Variants in ABCC12 observed in about 807,000 individuals in gnomAD.
ABCC12 encodes ATP binding cassette subfamily C member 12, also known as ATP-binding cassette sub-family C member 12.
Under a neutral mutation model 151.1 loss-of-function variants are expected in ABCC12, and 142 were observed. That is an observed-to-expected ratio of 0.94 (90% CI 0.82 to 1.08). The LOEUF (loss-of-function observed/expected upper bound fraction) is 1.08. Among genes scored for constraint, ABCC12 ranks in the 50% least tolerant of loss-of-function variants. ABCC12 has a pLI of 0.00. For missense variants in ABCC12, 1,638 were observed against 1,691.1 expected, an observed-to-expected ratio of 0.97 and a Z score of 0.55; for synonymous variants, 645 against 646.4, an observed-to-expected ratio of 1.00 and a Z score of 0.03.
chr16:48,088,599 T>C lies in ABCC12; in HGVS notation c.3421A>G (p.Asn1141Asp). 1.2e-6 allele frequency: 2 copies of C among 1,614,234 alleles called. No individual in the cohort carries two copies. The highest frequency in any genetic ancestry group is 1.7e-6 in the Non-Finnish European group (2 of 1,180,034). The change falls in exon 26 of 31, where the codon AAC (asparagine) becomes GAC (aspartate). Residue 1141 changes from asparagine to aspartate, a missense_variant. Physicochemically the swap from Asn to Asp is conservative, Grantham distance 23. Coordinates refer to ENST00000311303, the MANE Select transcript of ABCC12 (RefSeq NM_001393797.1). ...DNTPLVLDSLNLNIQSGQTVG... is the reference protein window; with the variant it reads ...DNTPLVLDSLDLNIQSGQTVG... Reference sequence around the variant, plus strand: ...GTCTGCCCACTTTGTATGTTCAAGTTCAGGCTGTCGAGAACAAGGGGGGTG... The same window carrying C: ...GTCTGCCCACTTTGTATGTTCAAGTCCAGGCTGTCGAGAACAAGGGGGGTG...
intron 20 of ABCC12, among the ~76,000 whole-genome samples, chr16:48,105,589 G>A (rs1185008845): frequency 6.6e-6 from 1 of 152,206 alleles, no homozygotes; most frequent in East Asian, 1.9e-4. Flanking sequence ...ACAAAGCAGA[G>A]AAACCAGATG....
chr16:48,124,075 T>C, intron 12 of ABCC12, 138 bp downstream of exon 12: 1 of 948,660 alleles, frequency 1.1e-6, no homozygotes, highest in Non-Finnish European at 1.7e-6. Context: ...TGCATTAACC[T>C]CCCAAAAATT....
chr16:48,113,824 A>T (rs149179856), intron 15 of ABCC12, among the ~76,000 whole-genome samples: 1 of 152,304 alleles, frequency 6.6e-6, no homozygotes, highest in East Asian at 1.9e-4. Context: ...CCGAACCAGG[A>T]CCAAGGTTAT....
At position 48,121,745 on chromosome 16, in the gene ABCC12, T is replaced by C. The variant is rs1964076053; in HGVS notation, c.1683A>G (p.Ile561Met). 1 of 1,613,944 alleles carries C rather than the reference T, an allele frequency of 6.2e-7. No individual in the cohort carries two copies. The highest frequency in any genetic ancestry group is 8.5e-7 in the Non-Finnish European group (1 of 1,180,024). ...WIFHGNVRENILFGEKYDHQR... is the reference protein window; with the variant it reads ...WIFHGNVRENMLFGEKYDHQR... ...GGTGATCATACTTTTCTCCAAAGAG[T>C]ATGTTTTCTCTCACATTTCCATGAA... Residue 561 changes from isoleucine (I) to methionine (M), a missense_variant, in exon 13 of 31, where the codon ATA (isoleucine) becomes ATG (methionine). Transcript: ENST00000311303.
rs1320374980 is a variant in ABCC12 at position 48,111,856 on chromosome 16, T to C, written c.2044A>G (p.Lys682Glu). The C allele has an allele frequency of 6.2e-7, 1 of 1,614,190 alleles. No individual in the cohort carries two copies. The highest frequency in any genetic ancestry group is 1.7e-5 in the Admixed American group (1 of 60,026). The change falls in exon 16 of 31, where the codon AAG becomes GAG. Residue 682 changes from lysine (K) to glutamate (E), a missense_variant. Coordinates refer to ENST00000311303, the MANE Select transcript of ABCC12 (RefSeq NM_001393797.1). ...ILLEDGEICE[K>E]GTHKELMEER... The stretch of plus-strand genomic sequence containing the variant: ...TCCATTAACTCCTTGTGGGTTCCCT[T>C]TTCACAAATCTCTCCATCTTCTAAT...
rs1209573871 is a variant in ABCC12 at position 48,153,764 on chromosome 16, T to C, written c.-199A>G. 2.0e-5 allele frequency: 3 copies of C among 152,192 alleles called. No homozygotes were observed. The highest frequency in any genetic ancestry group is 4.4e-5 in the Non-Finnish European group (3 of 68,040). The allele number at this position is 152,192 out of a possible 1,614,324, so 9.4% of individuals were successfully genotyped here. Reference sequence around the variant, plus strand: ...GCCAGGTTTGAGTAATCAGCGCGCATAGGAAATTGGTGCTAGAAGGTAATT... The same window carrying C: ...GCCAGGTTTGAGTAATCAGCGCGCACAGGAAATTGGTGCTAGAAGGTAATT... On this transcript the variant is annotated 5_prime_UTR_variant, in exon 2 of 31. The change abolishes an upstream ATG in the 5' untranslated region. Coordinates refer to ENST00000311303, the MANE Select transcript of ABCC12 (RefSeq NM_001393797.1).
chr16:48,128,285 C>T (rs1458096369), intron 11 of ABCC12, among the ~76,000 whole-genome samples, 174 bp downstream of exon 11: 2 of 152,212 alleles, frequency 1.3e-5, no homozygotes, highest in Non-Finnish European at 2.9e-5. Context: ...GAGAGGGGGC[C>T]TCCAATGTTC....
At chr16:48,134,823 C>A (rs180851890) in intron 8 of ABCC12, among the ~76,000 whole-genome samples, 3 of 152,232 alleles carry the variant, frequency 2.0e-5, no homozygotes, top group Admixed American at 6.5e-5. Context: ...GAGGCCGAGG[C>A]AGGTGGATCA....
intron 9 of ABCC12, among the ~76,000 whole-genome samples, chr16:48,132,874 C>T (rs530952000): frequency 3.3e-5 from 5 of 152,290 alleles, no homozygotes; most frequent in Non-Finnish European, 2.9e-5. Context: ...GTCCCATTTG[C>T]AGATTACAAA....
At chr16:48,101,087 A>G in intron 22 of ABCC12, 78 bp from the exon 23 acceptor site, 1 of 1,525,500 alleles carries the variant, frequency 6.6e-7, no homozygotes, top group Non-Finnish European at 8.9e-7. Context: ...TACAGAGCCA[A>G]CTAGGCACTC....
At chr16:48,118,842 G>C (rs148402173) in intron 13 of ABCC12, among the ~76,000 whole-genome samples, 333 of 152,336 alleles carry the variant, frequency 2.2e-3, no homozygotes, top group African/African-American at 7.8e-3. Context: ...ACAAGTGACT[G>C]TACCTCCCTG....
intron 13 of ABCC12, among the ~76,000 whole-genome samples, chr16:48,120,391 A>C (rs1348263933): frequency 6.6e-6 from 1 of 152,128 alleles, no homozygotes; most frequent in Non-Finnish European, 1.5e-5. Context: ...AGTGAACAGG[A>C]TCAGTAGAAA....
At chr16:48,114,684 A>T (rs1963814616) in intron 15 of ABCC12, among the ~76,000 whole-genome samples, 1 of 152,146 alleles carries the variant, frequency 6.6e-6, no homozygotes. Context: ...CCTACAAAGA[A>T]GAGAGAGGGA....
intron 10 of ABCC12, among the ~76,000 whole-genome samples, chr16:48,130,462 A>G (rs191506964): frequency 9.8e-5 from 15 of 152,332 alleles, no homozygotes; most frequent in African/African-American, 2.6e-4. Flanking sequence ...AGAACAAACT[A>G]GGTAAAGTGG....
rs146877086 is a variant in ABCC12 at position 48,141,349 on chromosome 16, G to A, written c.280C>T (p.Arg94Ter). ...GCTACCTCTTCATCCCAAAGGACTC[G>A]AAATCTGTGATGAAAAAACAGAAGC... ...DSSDTNAKRF[R>*]VLWDEEVARV... Residue 94 changes from arginine to a stop codon, truncating the protein, a stop_gained, in exon 5 of 31, where the codon CGA becomes TGA. Coordinates refer to ENST00000311303, the MANE Select transcript of ABCC12 (RefSeq NM_001393797.1). LOFTEE classifies it high-confidence loss of function. The A allele has an allele frequency of 2.2e-5, 35 of 1,613,528 alleles. No individual in the cohort carries two copies. Among genetic ancestry groups the A allele is most frequent in the African/African-American group, 9.4e-5 (7 of 74,536 alleles).
intron 29 of ABCC12, 21 bp from the exon 30 acceptor site, chr16:48,084,094 T>C (rs1262880758): frequency 1.3e-6 from 2 of 1,592,650 alleles, no homozygotes; most frequent in Non-Finnish European, 1.7e-6. Context: ...GGAAACATTA[T>C]AAGCCAAAGG....
intron 15 of ABCC12, 152 bp from the exon 16 acceptor site, chr16:48,112,062 C>G (rs1431577056): frequency 1.7e-5 from 16 of 966,126 alleles, no homozygotes; most frequent in Non-Finnish European, 2.2e-5. Flanking sequence ...ATATTTACCA[C>G]CCTCCCTGGC....
chr16:48,095,714 AAAAG>A (rs1274848984), intron 24 of ABCC12, among the ~76,000 whole-genome samples: 13 of 152,254 alleles, frequency 8.5e-5, no homozygotes, highest in Non-Finnish European at 1.5e-4. Flanking sequence ...AAGAAAAAAA[AAAAG>A]AAAGAAAAAG....
At chr16:48,143,257 C>T (rs1020021213) in intron 4 of ABCC12, among the ~76,000 whole-genome samples, 1 of 152,206 alleles carries the variant, frequency 6.6e-6, no homozygotes, top group South Asian at 2.1e-4. Context: ...GGTGCCCCTG[C>T]AAACCAGCTG....
Sources: allele counts gnomAD v4.1 joint callset (sites outside exome capture counted in the v4.1 genomes callset), GRCh38; gene constraint gnomAD v4.1.1; transcripts MANE v1.5; gene names NCBI Gene and HGNC (gene_info 2026-07-23, HGNC 2026-07-21).